SLC25A26: variants seen among roughly 807,000 people sequenced by gnomAD.
SLC25A26 encodes the protein solute carrier family 25 member 26.
SLC25A26 carries 36 observed loss-of-function variants against 37.8 expected under a neutral mutation model. That is an observed-to-expected ratio of 0.95 (90% CI 0.73 to 1.26). The LOEUF (loss-of-function observed/expected upper bound fraction) is 1.26. SLC25A26 is among the 50% of genes most tolerant of loss of function. The pLI is 0.00. For missense variants in SLC25A26, 390 were observed against 331.1 expected, an observed-to-expected ratio of 1.18 and a Z score of -1.38; for synonymous variants, 129 against 122.5, an observed-to-expected ratio of 1.05 and a Z score of -0.35.
chr3:66,352,427 TG>T lies in SLC25A26; in HGVS notation c.498+6020del, dbSNP rs1441571909. On this transcript the variant is annotated intron_variant, in intron 6 of 9. Transcript: ENST00000354883. Reference sequence around the variant, plus strand: ...CTGCCTAGCGCCTCCCCTCGTTTTTTGTTTTTTGTTTTTTGTTTTTTTTTTT... The same window carrying T: ...CTGCCTAGCGCCTCCCCTCGTTTTTTTTTTTTGTTTTTTGTTTTTTTTTTT... Among the ~76,000 whole-genome samples the T allele has an allele frequency of 1.5e-3, 208 of 136,696 alleles. 5 individuals are homozygous for T. The highest frequency in any genetic ancestry group is 5.7e-3 in the African/African-American group (199 of 34,862). 89.7% of individuals were successfully genotyped at this position (136,696 alleles called of 152,430 possible). A position where few individuals can be genotyped will look rare whatever the true frequency, so the allele number is the denominator to read the frequency against.
At chr3:66,219,675 C>A (rs976978933), upstream of SLC25A26, among the ~76,000 whole-genome samples, 8 of 152,098 alleles carry the variant, frequency 5.3e-5, no homozygotes, top group African/African-American at 1.9e-4. Flanking sequence ...CAGGAGACAC[C>A]AGCTGAGAGG....
chr3:66,265,139 C>G (rs555351938), intron 5 of SLC25A26, among the ~76,000 whole-genome samples: 5 of 151,848 alleles, frequency 3.3e-5, no homozygotes, highest in African/African-American at 1.2e-4. Context: ...ATTGTGAGAC[C>G]CTGTCTCTAT....
chr3:66,364,267 T>TA lies in SLC25A26; in HGVS notation c.568+1338_568+1339insA, dbSNP rs545503361. Among the ~76,000 whole-genome samples, 29 of 152,358 alleles carry TA rather than the reference T, an allele frequency of 1.9e-4. No homozygotes were observed. In the South Asian group the frequency reaches 6.0e-3, roughly 32 times the overall value. On this transcript the variant is annotated intron_variant, in intron 7 of 9. Coordinates refer to ENST00000354883, the MANE Select transcript of SLC25A26 (RefSeq NM_001379210.1). The stretch of plus-strand genomic sequence containing the variant: ...CAGTTTCCTTTTCAGAATAATACTC[T>TA]GTAATAGACACTAAGCACTTGTACT...
chr3:66,332,073 A>G (rs1469097988), intron 5 of SLC25A26, among the ~76,000 whole-genome samples: 1 of 152,164 alleles, frequency 6.6e-6, no homozygotes, highest in East Asian at 1.9e-4. Context: ...CTGGGATTAC[A>G]GGTGCGCGAC....
chr3:66,216,342 T>A (rs2071361194), upstream of SLC25A26, among the ~76,000 whole-genome samples: 1 of 152,142 alleles, frequency 6.6e-6, no homozygotes, highest in South Asian at 2.1e-4. Flanking sequence ...TGAAACCCCA[T>A]CTCTACTAAA....
chr3:66,367,217 G>A (rs1444339171), intron 7 of SLC25A26, among the ~76,000 whole-genome samples: 1 of 152,152 alleles, frequency 6.6e-6, no homozygotes, highest in South Asian at 2.1e-4. Flanking sequence ...CAAACATGTT[G>A]CGTAGGCCCA....
At position 66,259,774 on chromosome 3, in the gene SLC25A26, G is replaced by C. The variant is rs970035034; in HGVS notation, c.301-2277G>C. Among the ~76,000 whole-genome samples the C allele has an allele frequency of 2.6e-5, 4 of 152,062 alleles. No individual in the cohort carries two copies. In the South Asian group the frequency reaches 8.3e-4, roughly 32 times the overall value. On this transcript the variant is annotated intron_variant, in intron 3 of 9. Coordinates refer to ENST00000354883, the MANE Select transcript of SLC25A26 (RefSeq NM_001379210.1). ...CTGTCCTGTGCATTGCAGCCAGAGT[G>C]ATCTCCCTAAGCACACGTCATTCCT...
intron 6 of SLC25A26, among the ~76,000 whole-genome samples, chr3:66,353,323 T>C (rs1235654494): frequency 6.6e-6 from 1 of 151,788 alleles, no homozygotes; most frequent in Non-Finnish European, 1.5e-5. Context: ...CCCACACATC[T>C]CCTGTTCATC....
At chr3:66,216,546 A>T (rs2071364055), upstream of SLC25A26, among the ~76,000 whole-genome samples, 1 of 151,974 alleles carries the variant, frequency 6.6e-6, no homozygotes, top group African/African-American at 2.4e-5. Flanking sequence ...AACAACAACA[A>T]CAAACAAAAC....
chr3:66,338,089 A>G (rs1035258254), intron 5 of SLC25A26, among the ~76,000 whole-genome samples: 1 of 152,046 alleles, frequency 6.6e-6, no homozygotes, highest in Non-Finnish European at 1.5e-5. Context: ...TTTTATATGA[A>G]TAGAATCATA....
chr3:66,331,301 C>A (rs868383812), intron 5 of SLC25A26, among the ~76,000 whole-genome samples: 17 of 152,024 alleles, frequency 1.1e-4, no homozygotes, highest in South Asian at 8.3e-4. Context: ...AGTAGACATC[C>A]CTAGGTAGTT....
chr3:66,228,756 A>G (rs1448409509), intron 1 of SLC25A26, among the ~76,000 whole-genome samples: 1 of 152,254 alleles, frequency 6.6e-6, no homozygotes, highest in Non-Finnish European at 1.5e-5. Flanking sequence ...TCATATAGGT[A>G]TAATTTTATA....
chr3:66,155,460 C>T (rs1217261231), intron 1 of SLC25A26, among the ~76,000 whole-genome samples: 5 of 152,142 alleles, frequency 3.3e-5, no homozygotes, highest in African/African-American at 4.8e-5. Context: ...CTACAGTGAG[C>T]CACTGTGATT....
At chr3:66,143,215 A>G (rs556636592) in intron 1 of SLC25A26, among the ~76,000 whole-genome samples, 3 of 152,308 alleles carry the variant, frequency 2.0e-5, no homozygotes, top group African/African-American at 7.2e-5. Flanking sequence ...TGAACATAAC[A>G]CAATTTGTCT....
intron 1 of SLC25A26, among the ~76,000 whole-genome samples, chr3:66,167,660 T>A (rs1214889504): frequency 6.6e-6 from 1 of 152,240 alleles, no homozygotes; most frequent in Non-Finnish European, 1.5e-5. Context: ...AACACTTTAA[T>A]CTTTCAACAT....
intron 6 of SLC25A26, among the ~76,000 whole-genome samples, chr3:66,355,686 A>C (rs1352410262): frequency 6.6e-6 from 1 of 152,218 alleles, no homozygotes; most frequent in Non-Finnish European, 1.5e-5. Context: ...CATCTGATTG[A>C]ATGATAAAAT....
chr3:66,374,839 C>T (rs1363941056), intron 9 of SLC25A26, among the ~76,000 whole-genome samples: 1 of 151,578 alleles, frequency 6.6e-6, no homozygotes, highest in African/African-American at 2.4e-5. Context: ...CACGATCGTG[C>T]CACTGCACTC....
At chr3:66,352,073 C>T (rs1239656118) in intron 6 of SLC25A26, among the ~76,000 whole-genome samples, 1 of 151,886 alleles carries the variant, frequency 6.6e-6, no homozygotes, top group Non-Finnish European at 1.5e-5. Context: ...ACATAGACTC[C>T]ATCTCTACAA....
chr3:66,287,805 A>C (rs1451660354), intron 5 of SLC25A26, among the ~76,000 whole-genome samples: 1 of 152,236 alleles, frequency 6.6e-6, no homozygotes, highest in African/African-American at 2.4e-5. Flanking sequence ...CCTAGAACCT[A>C]AATTATTTGC....
Sources: allele counts gnomAD v4.1 joint callset (sites outside exome capture counted in the v4.1 genomes callset), GRCh38; gene constraint gnomAD v4.1.1; transcripts MANE v1.5; gene names NCBI Gene and HGNC (gene_info 2026-07-23, HGNC 2026-07-21).